The following MPPED1 variants were observed in gnomAD, a reference collection of about 807,000 sequenced individuals.
MPPED1 encodes the protein metallophosphoesterase domain-containing protein 1.
Under a neutral mutation model 36.2 loss-of-function variants are expected in MPPED1, and 16 were observed. The ratio of observed to expected loss-of-function variants is 0.44; its 90% CI spans 0.30 to 0.67. The LOEUF is 0.67. MPPED1 is among the 30% of genes least tolerant of loss of function. The pLI, the probability that MPPED1 is intolerant of heterozygous loss-of-function variation, is 0.10. For missense variants in MPPED1, 307 were observed against 453.4 expected (o/e 0.68, Z 2.93); for synonymous variants, 199 against 191.3 (o/e 1.04, Z -0.33).
chr22:43,479,064 G>A (rs549092906), intron 4 of MPPED1, among the ~76,000 whole-genome samples: 2 of 152,188 alleles, frequency 1.3e-5, no homozygotes, highest in Non-Finnish European at 1.5e-5. Flanking sequence ...GTCGAGTGGG[G>A]TGTGGGGGGG....
Position 43,425,110 on chromosome 22 carries a change from G to A in MPPED1, c.125G>A (p.Arg42Gln), listed in dbSNP as rs750931418. ...VMAARRHQHS[R>Q]LIIEVDEYSS... is the part of the protein sequence containing the mutation. The stretch of plus-strand genomic sequence containing the variant: ...GCCGCTCGGCGGCACCAGCACAGCC[G>A]GCTCATCATCGAGGTGGACGAGTAC... Residue 42 changes from arginine to glutamine, a missense_variant, in exon 2 of 7, where the codon CGG (arginine) becomes CAG (glutamine). Physicochemically the swap from Arg to Gln is conservative, Grantham distance 43 (BLOSUM62 1). Coordinates refer to ENST00000443721, the MANE Select transcript of MPPED1 (RefSeq NM_001044370.2). The A allele has an allele frequency of 6.2e-6, 10 of 1,613,854 alleles. No individual in the cohort carries two copies. Among genetic ancestry groups the A allele is most frequent in the Non-Finnish European group, 8.5e-6 (10 of 1,179,904 alleles).
intron 5 of MPPED1, among the ~76,000 whole-genome samples, chr22:43,501,417 T>C (rs1932730695): frequency 6.6e-6 from 1 of 151,200 alleles, no homozygotes; most frequent in Admixed American, 6.6e-5. Flanking sequence ...CATCCATCCA[T>C]CTCTCCAAAC....
chr22:43,480,862 C>T (rs1478090628), intron 4 of MPPED1, among the ~76,000 whole-genome samples: 10 of 144,746 alleles, frequency 6.9e-5, no homozygotes, highest in East Asian at 4.0e-4. Flanking sequence ...CTCACTCTGT[C>T]GCCTAGGTTA....
At chr22:43,421,878 CAT>C (rs1929286254) in intron 1 of MPPED1, among the ~76,000 whole-genome samples, 1 of 152,238 alleles carries the variant, frequency 6.6e-6, no homozygotes, top group African/African-American at 2.4e-5. Flanking sequence ...CAGCAGCTTA[CAT>C]GTGTCATCTC....
chr22:43,458,242 C>T (rs979381025), intron 3 of MPPED1, among the ~76,000 whole-genome samples: 2 of 151,994 alleles, frequency 1.3e-5, no homozygotes, highest in East Asian at 1.9e-4. Flanking sequence ...GTCTTTTAAA[C>T]TGGATAGGAG....
intron 4 of MPPED1, among the ~76,000 whole-genome samples, chr22:43,495,943 A>G (rs961410547): frequency 0.097 from 1,195 of 12,298 alleles, 1 homozygote; most frequent in African/African-American, 0.18. Flanking sequence ...TGGTGGAGGT[A>G]GTGGTGGTGG....
chr22:43,469,208 C>A (rs748915845), intron 3 of MPPED1, among the ~76,000 whole-genome samples: 5 of 152,278 alleles, frequency 3.3e-5, no homozygotes, highest in African/African-American at 9.6e-5. Context: ...GTGTGTCAGC[C>A]GTCTTACCTG....
Position 43,505,644 on chromosome 22 carries a change from G to T in MPPED1, c.*28G>T, listed in dbSNP as rs377334448. ...GCTCCCCACTGCCCCTGCCCTGCCC[G>T]CCCGTGTCAGCTCCACAGGCCTGGC... On this transcript the variant is annotated 3_prime_UTR_variant, in exon 7 of 7. Transcript: ENST00000443721. 3 of 1,562,318 alleles carry T rather than the reference G, an allele frequency of 1.9e-6. No homozygotes were observed. Among genetic ancestry groups the T allele is most frequent in the East Asian group, 2.3e-5 (1 of 42,820 alleles).
chr22:43,463,837 TTC>T (rs1555901260), intron 3 of MPPED1, among the ~76,000 whole-genome samples: 111 of 135,876 alleles, frequency 8.2e-4, no homozygotes, highest in African/African-American at 3.2e-3. Flanking sequence ...CTTTCTTTCT[TTC>T]TTTCTTTCTT....
rs566798855 is a variant in MPPED1 at position 43,506,206 on chromosome 22, C to A, written c.*590C>A. On this transcript the variant is annotated 3_prime_UTR_variant, in exon 7 of 7. Coordinates refer to ENST00000443721, the MANE Select transcript of MPPED1 (RefSeq NM_001044370.2). ...AGCTGTTTGCCTGGCATTGTTCCCCCCTTTTTCTTCCCATAGGCATTTTTG... is the reference window on the plus strand; with the variant it reads ...AGCTGTTTGCCTGGCATTGTTCCCCACTTTTTCTTCCCATAGGCATTTTTG... 6.6e-4 allele frequency: 101 copies of A among 152,718 alleles called. No individual in the cohort carries two copies. Among genetic ancestry groups the A allele is most frequent in the Non-Finnish European group, 7.6e-4 (52 of 68,110 alleles). The allele number at this position is 152,718 out of a possible 1,614,324, so 9.5% of individuals were successfully genotyped here. A position where few individuals can be genotyped will look rare whatever the true frequency, so the allele number is the denominator to read the frequency against.
intron 5 of MPPED1, among the ~76,000 whole-genome samples, chr22:43,500,322 ATGG>A (rs1195470436): frequency 3.5e-4 from 7 of 20,174 alleles, no homozygotes; most frequent in Admixed American, 1.1e-3. Flanking sequence ...GGAGGTGGTG[ATGG>A]TGGTGGTGGA....
chr22:43,483,763 A>C (rs946379107), intron 4 of MPPED1, among the ~76,000 whole-genome samples: 1 of 152,126 alleles, frequency 6.6e-6, no homozygotes, highest in Non-Finnish European at 1.5e-5. Flanking sequence ...GGTGTAGCCC[A>C]GTTTGAGGGT....
chr22:43,447,829 A>G (rs1476825633), intron 3 of MPPED1, among the ~76,000 whole-genome samples: 1 of 138,486 alleles, frequency 7.2e-6, no homozygotes, highest in Non-Finnish European at 1.5e-5. Flanking sequence ...ATTTTTATAT[A>G]AATATAAAAA....
At chr22:43,491,685 ATGGAGGTGGTGGTG>A (rs1932097766) in intron 4 of MPPED1, among the ~76,000 whole-genome samples, 1 of 74,902 alleles carries the variant, frequency 1.3e-5, no homozygotes, top group African/African-American at 6.3e-5. Context: ...GGTGGTGGTT[ATGGAGGTGGTGGTG>A]GTGATGGAGG....
chr22:43,417,484 T>A (rs1929116784), intron 1 of MPPED1, among the ~76,000 whole-genome samples: 2 of 149,614 alleles, frequency 1.3e-5, no homozygotes, highest in South Asian at 4.3e-4. Flanking sequence ...CATTTTCTAC[T>A]ATGGGCTCAT....
intron 3 of MPPED1, among the ~76,000 whole-genome samples, chr22:43,450,343 C>T (rs2146853236): frequency 6.6e-6 from 1 of 152,338 alleles, no homozygotes; most frequent in South Asian, 2.1e-4. Flanking sequence ...TCCCCTGTGC[C>T]TCAGTGTCTT....
intron 3 of MPPED1, among the ~76,000 whole-genome samples, chr22:43,471,947 AC>A (rs60104294): frequency 0.028 from 4,201 of 152,242 alleles, 197 homozygotes; most frequent in African/African-American, 0.095. Flanking sequence ...GACTGGAAGA[AC>A]CTCGGGCCAG....
At chr22:43,417,278 C>T (rs1030286751) in intron 1 of MPPED1, among the ~76,000 whole-genome samples, 16 of 152,140 alleles carry the variant, frequency 1.1e-4, no homozygotes, top group African/African-American at 3.9e-4. Flanking sequence ...GCTTATTCAG[C>T]TTAGCTGATA....
At position 43,435,050 on chromosome 22, in the gene MPPED1, C is replaced by A; in HGVS notation, c.241C>A (p.His81Asn). The change falls in exon 3 of 7, where the codon CAC becomes AAC. Residue 81 changes from histidine (H) to asparagine (N), a missense_variant. Physicochemically the swap from His to Asn is moderately conservative, Grantham distance 68. Around this residue, in one of 3 missense-constraint regions of MPPED1, gnomAD observed 169 missense variants for 212.3 expected, o/e 0.80. Coordinates refer to ENST00000443721, the MANE Select transcript of MPPED1 (RefSeq NM_001044370.2). ...TCCCTGCAGGGTGGACCCGGTGCCT[C>A]ACGATGCCCCCAAACCTCCAGGCTA... ...PHVQMVDPVP[H>N]DAPKPPGYTR... The A allele has an allele frequency of 1.9e-6, 3 of 1,613,704 alleles. No homozygotes were observed. Among genetic ancestry groups the A allele is most frequent in the Non-Finnish European group, 1.7e-6 (2 of 1,179,838 alleles).
Sources: gnomAD v4.1 joint callset for allele counts (sites outside exome capture counted in the v4.1 genomes callset) on GRCh38, gnomAD v4.1.1 for gene constraint, gnomAD v4.1.1 regional missense constraint, MANE v1.5 for transcripts, NCBI Gene and HGNC (gene_info 2026-07-23, HGNC 2026-07-21) for gene names.